The following MAF variants were observed in gnomAD, a reference collection of about 807,000 sequenced individuals.
MAF encodes MAF bZIP transcription factor.
In MAF, 10 loss-of-function variants were observed where a neutral mutation model predicts 22.0. That is an observed-to-expected ratio of 0.45 (90% CI 0.28 to 0.77). The LOEUF is 0.77. Among genes scored for constraint, MAF ranks in the 30% least tolerant of loss-of-function variants. MAF has a pLI of 0.12. For missense variants in MAF, 544 were observed against 548.4 expected (o/e 0.99, Z 0.08); for synonymous variants, 337 against 255.8 (o/e 1.32, Z -3.03).
At chr16:79,395,303 A>G in the MAF span, among the ~76,000 whole-genome samples, 1 of 152,206 alleles carries the variant, frequency 6.6e-6, no homozygotes, top group African/African-American at 2.4e-5. Context: ...CACAATCCAA[A>G]GTGTGTTTTA....
chr16:79,229,972 CTT>C, the MAF span, among the ~76,000 whole-genome samples: 34 of 151,748 alleles, frequency 2.2e-4, no homozygotes, highest in Non-Finnish European at 4.1e-4. Flanking sequence ...AAAAGGGACT[CTT>C]ATCAATTTGC....
At chr16:79,408,953 T>C in the MAF span, among the ~76,000 whole-genome samples, 3 of 112 alleles carry the variant, frequency 0.027, no homozygotes, top group Non-Finnish European at 0.075. Context: ...TTTTACTGCT[T>C]TTTTTTTTTT....
the MAF span, among the ~76,000 whole-genome samples, chr16:79,451,170 G>C: frequency 6.6e-6 from 1 of 152,222 alleles, no homozygotes; most frequent in Non-Finnish European, 1.5e-5. Flanking sequence ...TCAGTTTGCA[G>C]GGCCCGTCCA....
the MAF span, among the ~76,000 whole-genome samples, chr16:79,569,107 C>T: frequency 6.6e-6 from 1 of 152,170 alleles, no homozygotes; most frequent in Non-Finnish European, 1.5e-5. Context: ...TCTCACTATT[C>T]CCACTTCACC....
At chr16:79,579,866 G>C in the MAF span, among the ~76,000 whole-genome samples, 1 of 152,202 alleles carries the variant, frequency 6.6e-6, no homozygotes, top group South Asian at 2.1e-4. Flanking sequence ...TATCTGAATG[G>C]CACTGTGACA....
chr16:79,345,473 C>G, the MAF span, among the ~76,000 whole-genome samples: 1 of 151,896 alleles, frequency 6.6e-6, no homozygotes, highest in Non-Finnish European at 1.5e-5. Context: ...TGCCTCATGC[C>G]TGTGAGAAAT....
the MAF span, among the ~76,000 whole-genome samples, chr16:79,393,036 C>A: frequency 6.6e-6 from 1 of 152,184 alleles, no homozygotes; most frequent in Non-Finnish European, 1.5e-5. Flanking sequence ...TTTCTCCTTT[C>A]CAGGACCACT....
At chr16:79,512,541 C>T in the MAF span, among the ~76,000 whole-genome samples, 2 of 152,126 alleles carry the variant, frequency 1.3e-5, no homozygotes, top group Admixed American at 1.3e-4. Context: ...ACCTGGACCC[C>T]CAGCTCACCA....
the MAF span, among the ~76,000 whole-genome samples, chr16:79,568,517 A>T: frequency 8.5e-5 from 13 of 152,204 alleles, no homozygotes; most frequent in Admixed American, 8.5e-4. Context: ...AATTCTCATT[A>T]AAACAGGCAT....
At chr16:79,420,221 A>G in the MAF span, among the ~76,000 whole-genome samples, 1 of 152,232 alleles carries the variant, frequency 6.6e-6, no homozygotes, top group Non-Finnish European at 1.5e-5. Context: ...TGTGCTGTTT[A>G]TAGATGTGCA....
At chr16:79,365,908 T>A in the MAF span, among the ~76,000 whole-genome samples, 22 of 152,372 alleles carry the variant, frequency 1.4e-4, no homozygotes, top group East Asian at 3.7e-3. Flanking sequence ...CTCATTAGTA[T>A]GTGATCATCT....
Position 79,598,604 on chromosome 16 carries a change from G to GTGTT in MAF, c.1118+180_1118+181insAACA, listed in dbSNP as rs548505800. ...GGGGTGTGTGTGTGTGTGTGTGTGT[G>GTGTT]TGTGTGGTGTGTGCGTGCGGGTTTG... On this transcript the variant is annotated intron_variant, in intron 1 of 1. Transcript: ENST00000326043. 2.5e-3 allele frequency: 3,697 copies of GTGTT among 1,494,468 alleles called. 6 individuals carry two copies. Among genetic ancestry groups the GTGTT allele is most frequent in the South Asian group, 0.014 (1,094 of 75,700 alleles). The allele number at this position is 1,494,468 out of a possible 1,614,324, so 92.6% of individuals were successfully genotyped here.
chr16:79,504,597 G>A, the MAF span, among the ~76,000 whole-genome samples: 1 of 152,124 alleles, frequency 6.6e-6, no homozygotes, highest in Non-Finnish European at 1.5e-5. Context: ...ATGGATGGAT[G>A]GATAAATGGA....
the MAF span, among the ~76,000 whole-genome samples, chr16:79,265,798 A>C: frequency 1.3e-5 from 2 of 152,110 alleles, no homozygotes; most frequent in South Asian, 4.2e-4. Context: ...GGCATATCTG[A>C]TTGCCAGCAT....
At chr16:79,230,191 AT>A in the MAF span, among the ~76,000 whole-genome samples, 2 of 152,106 alleles carry the variant, frequency 1.3e-5, no homozygotes, top group Non-Finnish European at 2.9e-5. Context: ...CTGGAGTTGA[AT>A]TGCACAGAAC....
At chr16:79,343,435 C>T in the MAF span, among the ~76,000 whole-genome samples, 6 of 152,216 alleles carry the variant, frequency 3.9e-5, no homozygotes, top group Non-Finnish European at 8.8e-5. Context: ...TTGAAACCCA[C>T]ATCTGTGCAG....
chr16:79,375,183 A>G, the MAF span, among the ~76,000 whole-genome samples: 1 of 152,204 alleles, frequency 6.6e-6, no homozygotes, highest in Non-Finnish European at 1.5e-5. Context: ...AGAAGAAGCA[A>G]TCTCTTTCAG....
the MAF span, among the ~76,000 whole-genome samples, chr16:79,485,885 G>A: frequency 6.6e-6 from 1 of 152,156 alleles, no homozygotes; most frequent in African/African-American, 2.4e-5. Context: ...TTAGCAGAAA[G>A]GACTTCTGCT....
At chr16:79,338,323 A>T in the MAF span, among the ~76,000 whole-genome samples, 1 of 152,232 alleles carries the variant, frequency 6.6e-6, no homozygotes, top group East Asian at 1.9e-4. Context: ...GCTAAGTCAC[A>T]GAGTGAGATC....
Sources: gnomAD v4.1 joint callset for allele counts (sites outside exome capture counted in the v4.1 genomes callset) on GRCh38, gnomAD v4.1.1 for gene constraint, MANE v1.5 for transcripts, NCBI Gene and HGNC (gene_info 2026-07-23, HGNC 2026-07-21) for gene names.